The following GLG1 variants were observed in gnomAD, a reference collection of about 807,000 sequenced individuals.
The protein encoded by GLG1 is Golgi apparatus protein 1.
GLG1 carries 38 observed loss-of-function variants against 160.5 expected under a neutral mutation model. That is an observed-to-expected ratio of 0.24 (90% confidence interval 0.18 to 0.31). The LOEUF (loss-of-function observed/expected upper bound fraction) is 0.31. GLG1 is among the 10% of genes least tolerant of loss of function. The pLI, the probability that GLG1 is intolerant of heterozygous loss-of-function variation, is 1.00. For missense variants in GLG1, 1,373 were observed against 1,505.2 expected, an observed-to-expected ratio of 0.91 and a Z score of 1.45; for synonymous variants, 644 against 543.4, an observed-to-expected ratio of 1.19 and a Z score of -2.57.
Position 74,469,236 on chromosome 16 carries a change from G to A in GLG1, c.2319-173C>T, listed in dbSNP as rs964234469. The A allele has an allele frequency of 1.2e-5, 7 of 600,858 alleles. No individual in the cohort carries two copies. The African/African-American group carries it at 1.3e-4, about 11-fold the overall frequency. The allele number at this position is 600,858 out of a possible 1,614,324, so 37.2% of individuals were successfully genotyped here. ...GGGTGCTAAAAGCTGCAATTTGACT[G>A]TGGGTGTCATGAAAGGCAGGCAGCA... is the stretch of plus-strand genomic sequence containing the variant. On this transcript the variant is annotated intron_variant, in intron 16 of 25. Transcript: ENST00000422840.
At chr16:74,459,659 G>T in intron 23 of GLG1, 23 bp downstream of exon 23, 1 of 1,148,014 alleles carries the variant, frequency 8.7e-7, no homozygotes, top group Non-Finnish European at 1.3e-6. Context: ...ATGAAGTGAG[G>T]AAAAGAAGGT....
chr16:74,519,557 T>G (rs1426759943), intron 2 of GLG1, among the ~76,000 whole-genome samples: 1 of 67,972 alleles, frequency 1.5e-5, no homozygotes, highest in Non-Finnish European at 2.8e-5. Context: ...ACTATGTTAC[T>G]GGTTTTTGAA....
intron 1 of GLG1, among the ~76,000 whole-genome samples, chr16:74,581,752 A>T (rs1250132866): frequency 6.6e-6 from 1 of 152,034 alleles, no homozygotes; most frequent in Non-Finnish European, 1.5e-5. Flanking sequence ...CTGTACTAAA[A>T]ATACAAAAAA....
rs142563862 is a variant in GLG1, at chr16:74,519,247, G to C, written c.472-10322C>G. Among the ~76,000 whole-genome samples, 95 of 148,790 alleles carry C rather than the reference G, an allele frequency of 6.4e-4. 1 individual carries two copies. In the East Asian group the frequency reaches 0.018, roughly 28 times the overall value. On this transcript the variant is annotated intron_variant, in intron 2 of 25. Coordinates refer to ENST00000422840, the MANE Select transcript of GLG1 (RefSeq NM_001145667.2). ...AACTATCACAAGATCAGAAAACCAA[G>C]CACCACATGTTCTCACTCATACGTG...
At chr16:74,566,840 C>T (rs1470813324) in intron 1 of GLG1, among the ~76,000 whole-genome samples, 1 of 152,074 alleles carries the variant, frequency 6.6e-6, no homozygotes, top group African/African-American at 2.4e-5. Flanking sequence ...AATTTATTCT[C>T]CACACCAGGA....
At position 74,447,843 on chromosome 16, in the gene GLG1, C is replaced by A. The variant is rs998961870; in HGVS notation, c.*5324G>T. Reference sequence around the variant, plus strand: ...GCCCATTTCTACCACCCTAGCATGTCTGACAGAAAGCCCTGCTGGGCTCTG... The same window carrying A: ...GCCCATTTCTACCACCCTAGCATGTATGACAGAAAGCCCTGCTGGGCTCTG... On this transcript the variant is annotated 3_prime_UTR_variant, in exon 26 of 26. Coordinates refer to ENST00000422840, the MANE Select transcript of GLG1 (RefSeq NM_001145667.2). 1 of 152,300 alleles carries A rather than the reference C, an allele frequency of 6.6e-6. No individual in the cohort carries two copies. The highest frequency in any genetic ancestry group is 2.4e-5 in the African/African-American group (1 of 41,470). 9.4% of individuals were successfully genotyped at this position (152,300 alleles called of 1,614,324 possible).
intron 5 of GLG1, among the ~76,000 whole-genome samples, chr16:74,496,074 G>A (rs534390777): frequency 6.6e-6 from 1 of 152,092 alleles, no homozygotes; most frequent in Non-Finnish European, 1.5e-5. Flanking sequence ...GACCAGTCCG[G>A]GCAATACAGC....
intron 1 of GLG1, among the ~76,000 whole-genome samples, chr16:74,548,231 C>G (rs2018103241): frequency 6.6e-6 from 1 of 152,192 alleles, no homozygotes; most frequent in African/African-American, 2.4e-5. Context: ...AACCTGTGTT[C>G]CAATTCTTAC....
intron 19 of GLG1, among the ~76,000 whole-genome samples, chr16:74,465,221 T>C (rs2014956527): frequency 6.6e-6 from 1 of 152,236 alleles, no homozygotes; most frequent in Non-Finnish European, 1.5e-5. Context: ...AGGGAATACC[T>C]GCTGGAGGAG....
chr16:74,567,440 G>A (rs1343931795), intron 1 of GLG1, among the ~76,000 whole-genome samples: 4 of 151,972 alleles, frequency 2.6e-5, no homozygotes, highest in African/African-American at 9.7e-5. Flanking sequence ...ACAAAACATT[G>A]GGGTTTCCTA....
At chr16:74,531,163 T>C (rs1408765515) in intron 2 of GLG1, among the ~76,000 whole-genome samples, 1 of 152,138 alleles carries the variant, frequency 6.6e-6, no homozygotes, top group Admixed American at 6.5e-5. Context: ...TGTACTTGAC[T>C]TACCTAGGTT....
intron 2 of GLG1, among the ~76,000 whole-genome samples, chr16:74,512,314 G>A (rs953178313): frequency 2.0e-5 from 3 of 151,310 alleles, no homozygotes; most frequent in Admixed American, 6.6e-5. Context: ...TAGAAGTACA[G>A]TGATGCAAGT....
chr16:74,582,757 T>G (rs1329864117), intron 1 of GLG1, among the ~76,000 whole-genome samples: 1 of 151,598 alleles, frequency 6.6e-6, no homozygotes, highest in African/African-American at 2.4e-5. Flanking sequence ...AGGTGGAGCT[T>G]GACAGTGAGC....
At chr16:74,528,185 G>A (rs2017401621) in intron 2 of GLG1, among the ~76,000 whole-genome samples, 1 of 151,946 alleles carries the variant, frequency 6.6e-6, no homozygotes, top group Non-Finnish European at 1.5e-5. Context: ...ATTTTTAATA[G>A]AGACAGGATT....
intron 2 of GLG1, among the ~76,000 whole-genome samples, chr16:74,512,126 G>A (rs1052292256): frequency 6.6e-6 from 1 of 150,402 alleles, no homozygotes; most frequent in African/African-American, 2.4e-5. Context: ...CTCATCTTCT[G>A]GCAACCATTA....
chr16:74,542,385 A>G (rs1170573038), intron 1 of GLG1, among the ~76,000 whole-genome samples: 1 of 152,080 alleles, frequency 6.6e-6, no homozygotes, highest in Non-Finnish European at 1.5e-5. Context: ...AAACTAGACT[A>G]GGCCGGGCGC....
intron 2 of GLG1, among the ~76,000 whole-genome samples, chr16:74,513,596 A>T (rs1026198694): frequency 2.0e-5 from 3 of 152,210 alleles, no homozygotes; most frequent in Admixed American, 1.3e-4. Context: ...AAGGAATAGC[A>T]TCAACATCAA....
chr16:74,542,845 C>T (rs2017940103), intron 1 of GLG1, among the ~76,000 whole-genome samples: 1 of 150,738 alleles, frequency 6.6e-6, no homozygotes, highest in Admixed American at 6.6e-5. Context: ...AGACATCTGA[C>T]AATACCATTA....
intron 3 of GLG1, 42 bp from the exon 4 acceptor site, chr16:74,503,788 C>T (rs369997392): frequency 3.3e-6 from 4 of 1,228,450 alleles, no homozygotes; most frequent in East Asian, 2.3e-5. Context: ...GTGTTCCATG[C>T]TCGTATCAAA....
Sources: allele counts gnomAD v4.1 joint callset (sites outside exome capture counted in the v4.1 genomes callset), GRCh38; gene constraint gnomAD v4.1.1; transcripts MANE v1.5; gene names NCBI Gene and HGNC (gene_info 2026-07-23, HGNC 2026-07-21).